DYDC2: variants seen among roughly 807,000 people sequenced by gnomAD.
DYDC2 encodes the protein DPY30 domain-containing protein 2.
In DYDC2, 19 loss-of-function variants were observed where a neutral mutation model predicts 18.7. The observed-to-expected ratio is 1.02, with a 90% confidence interval of 0.71 to 1.49. The LOEUF is 1.49. Ranked by LOEUF, DYDC2 falls within the 40% of genes most tolerant of loss-of-function variation. DYDC2 has a pLI of 0.00. For missense variants in DYDC2, 179 were observed against 205.1 expected (o/e 0.87, Z 0.78); for synonymous variants, 63 against 67.6 (o/e 0.93, Z 0.34).
intron 3 of DYDC2, 51 bp from the exon 4 acceptor site, chr10:80,362,900 A>G: frequency 6.3e-7 from 1 of 1,587,892 alleles, no homozygotes; most frequent in Non-Finnish European, 8.6e-7. Flanking sequence ...GGCCCCGTTT[A>G]TAAGGCTTCC....
chr10:80,350,036 A>G lies in DYDC2; in HGVS notation c.-310+5221A>G, dbSNP rs57070273. On this transcript the variant is annotated intron_variant, in intron 1 of 4. Coordinates refer to the DYDC2 transcript ENST00000372197. ...AGCTTACATGACTCAGAAGGCACCC[A>G]GAGGCCTCTCTGTTTTTCTTCATCT... 7.1e-3 allele frequency among the ~76,000 whole-genome samples: 1,086 copies of G among 152,184 alleles called. 12 individuals carry two copies. Among genetic ancestry groups the G allele is most frequent in the African/African-American group, 0.024 (1,016 of 41,556 alleles).
At position 80,367,704 on chromosome 10, in the gene DYDC2, G is replaced by A. The variant is rs542921049; in HGVS notation, c.*753G>A. The A allele has an allele frequency of 2.6e-5, 4 of 152,196 alleles. No homozygotes were observed. Among genetic ancestry groups the A allele is most frequent in the South Asian group, 4.1e-4 (2 of 4,822 alleles). The allele number at this position is 152,196 out of a possible 1,614,324, so 9.4% of individuals were successfully genotyped here. A position where few individuals can be genotyped will look rare whatever the true frequency, so the allele number is the denominator to read the frequency against. ...CTTCACTTCACAGTCAGGCCTCTCC[G>A]AGTATTTTTTACACATATCCTGGAG... On this transcript the variant is annotated 3_prime_UTR_variant, in exon 5 of 5. Transcript: ENST00000256039.
At position 80,367,200 on chromosome 10, in the gene DYDC2, G is replaced by GCGACCACC; in HGVS notation, c.*249_*250insCGACCACC. The GCGACCACC allele has an allele frequency of 6.8e-6, 3 of 438,802 alleles. No individual in the cohort carries two copies. Among genetic ancestry groups the GCGACCACC allele is most frequent in the Admixed American group, 4.1e-5 (1 of 24,180 alleles). The allele number at this position is 438,802 out of a possible 1,614,324, so 27.2% of individuals were successfully genotyped here. On this transcript the variant is annotated 3_prime_UTR_variant, in exon 5 of 5. Transcript: ENST00000256039. ...TTTCCTCTTGTTTTATCAACGTTTT[G>GCGACCACC]GAGACTACACAATGAAAACACATCT...
intron 1 of DYDC2, among the ~76,000 whole-genome samples, chr10:80,350,267 A>G (rs1348161568): frequency 2.6e-5 from 4 of 152,244 alleles, no homozygotes; most frequent in Non-Finnish European, 5.9e-5. Context: ...TATTGCTAGT[A>G]TTGCCAAATT....
chr10:80,348,706 A>G (rs1353074857), intron 1 of DYDC2, among the ~76,000 whole-genome samples: 1 of 152,236 alleles, frequency 6.6e-6, no homozygotes, highest in Non-Finnish European at 1.5e-5. Flanking sequence ...CTATTCTACA[A>G]AGTAATGCAT....
chr10:80,348,217 T>C (rs539691517), intron 1 of DYDC2, among the ~76,000 whole-genome samples: 2 of 152,330 alleles, frequency 1.3e-5, no homozygotes, highest in South Asian at 4.1e-4. Context: ...TTTGAAGCTA[T>C]TATAAATAAG....
At chr10:80,355,107 A>AC (rs1843279507), upstream of DYDC2, among the ~76,000 whole-genome samples, 1 of 151,526 alleles carries the variant, frequency 6.6e-6, no homozygotes, top group South Asian at 2.1e-4. Context: ...AAAAAAAAAA[A>AC]CAGTAAAATT....
chr10:80,350,384 A>G (rs1842915751), intron 1 of DYDC2, among the ~76,000 whole-genome samples: 1 of 152,196 alleles, frequency 6.6e-6, no homozygotes, highest in South Asian at 2.1e-4. Flanking sequence ...CTTATTTTTG[A>G]TAGACAGGAA....
chr10:80,359,989 C>T (rs1022258619), intron 2 of DYDC2, among the ~76,000 whole-genome samples: 27 of 152,218 alleles, frequency 1.8e-4, no homozygotes, highest in Non-Finnish European at 3.2e-4. Context: ...GCACCAAGGC[C>T]GAGGAGGTGC....
At chr10:80,355,941 G>C (rs1204497695), upstream of DYDC2, among the ~76,000 whole-genome samples, 1 of 138,054 alleles carries the variant, frequency 7.2e-6, no homozygotes, top group Admixed American at 7.7e-5. Flanking sequence ...ATACCTGAAA[G>C]ACCAAAACGC....
intron 1 of DYDC2, among the ~76,000 whole-genome samples, chr10:80,345,470 A>T (rs1014006008): frequency 6.6e-6 from 1 of 152,192 alleles, no homozygotes; most frequent in African/African-American, 2.4e-5. Context: ...TCCAGTACAC[A>T]ATACAATCTT....
rs1423261020 is a variant in DYDC2, at chr10:80,367,155, T to G, written c.*204T>G. The G allele has an allele frequency of 1.2e-5, 7 of 575,006 alleles. No homozygotes were observed. The highest frequency in any genetic ancestry group is 2.0e-5 in the Non-Finnish European group (7 of 352,758). The allele number at this position is 575,006 out of a possible 1,614,324, so 35.6% of individuals were successfully genotyped here. On this transcript the variant is annotated 3_prime_UTR_variant, in exon 5 of 5. Transcript: ENST00000256039. The stretch of plus-strand genomic sequence containing the variant: ...ACTCAGAATAAGGATTTAAAATAAG[T>G]AACCAAGTGGCTGTGACTTTTTCCT...
intron 1 of DYDC2, among the ~76,000 whole-genome samples, chr10:80,347,945 T>C (rs150064006): frequency 1.3e-5 from 2 of 152,344 alleles, no homozygotes; most frequent in Non-Finnish European, 2.9e-5. Context: ...GGGTCTTTTG[T>C]ACTTCCATAC....
At chr10:80,357,190 A>T (rs897001704) in intron 1 of DYDC2, among the ~76,000 whole-genome samples, 2 of 136,028 alleles carry the variant, frequency 1.5e-5, no homozygotes, top group African/African-American at 5.6e-5. Context: ...AGAGGGAATG[A>T]AAGAAGGGGA....
At chr10:80,354,504 A>AG (rs1843233784), upstream of DYDC2, 1 of 152,130 alleles carries the variant, frequency 6.6e-6, no homozygotes, top group African/African-American at 2.4e-5. Context: ...AAAAAAAAAA[A>AG]AAGAATACCT....
intron 2 of DYDC2, among the ~76,000 whole-genome samples, chr10:80,359,622 A>G (rs1438657266): frequency 6.6e-6 from 1 of 152,164 alleles, no homozygotes; most frequent in African/African-American, 2.4e-5. Flanking sequence ...GGCGGGCTGC[A>G]TGTCCGGAGC....
rs556362145 is a variant in DYDC2, at chr10:80,347,276, C to CTT, written c.-310+2489_-310+2490dup. 1.4e-3 allele frequency among the ~76,000 whole-genome samples: 130 copies of CTT among 90,102 alleles called. 25 individuals are homozygous for CTT. The highest frequency in any genetic ancestry group is 5.3e-3 in the African/African-American group (121 of 22,858). 59.1% of individuals were successfully genotyped at this position (90,102 alleles called of 152,430 possible). A position where few individuals can be genotyped will look rare whatever the true frequency, so the allele number is the denominator to read the frequency against. On this transcript the variant is annotated intron_variant, in intron 1 of 4. Transcript: ENST00000372197. The stretch of plus-strand genomic sequence containing the variant: ...CTTTGCCCATTTTTTAATTGGGATC[C>CTT]TTTTTTTTTTTTTTTTTTTTTTTTT...
rs576345990 is a variant in DYDC2 at position 80,356,809 on chromosome 10, A to G, written c.-179A>G. On this transcript the variant is annotated 5_prime_UTR_variant, in exon 1 of 5. Coordinates refer to ENST00000256039, the MANE Select transcript of DYDC2 (RefSeq NM_032372.6). ...AGCCAGTGTAGGCGCCGCAAAGCGG[A>G]AGGGGCGCGCGGATAGGTGAGCAGA... The G allele has an allele frequency of 2.0e-6, 2 of 985,510 alleles. No individual in the cohort carries two copies. The highest frequency in any genetic ancestry group is 6.1e-5 in the Admixed American group (1 of 16,282). The allele number at this position is 985,510 out of a possible 1,614,324, so 61.0% of individuals were successfully genotyped here.
intron 1 of DYDC2, 64 bp downstream of exon 1, chr10:80,356,889 A>G: frequency 3.1e-6 from 3 of 977,676 alleles, no homozygotes; most frequent in Non-Finnish European, 3.6e-6. Flanking sequence ...GAGGGCGTGC[A>G]GGAGTAGGAG....
Sources: allele counts gnomAD v4.1 joint callset (sites outside exome capture counted in the v4.1 genomes callset), GRCh38; gene constraint gnomAD v4.1.1; transcripts MANE v1.5; gene names NCBI Gene and HGNC (gene_info 2026-07-23, HGNC 2026-07-21).